The following VPS13B variants were observed in gnomAD, a reference collection of about 807,000 sequenced individuals.
VPS13B encodes vacuolar protein sorting 13 homolog B.
A neutral mutation model predicts 426.4 loss-of-function variants in VPS13B; 285 were observed. That is an observed-to-expected ratio of 0.67 (90% CI 0.61 to 0.74). The LOEUF is 0.74. Among genes scored for constraint, VPS13B ranks in the 30% least tolerant of loss-of-function variants. The pLI is 0.00. For missense variants in VPS13B, 4,537 were observed against 4,782.6 expected (o/e 0.95, Z 1.51); for synonymous variants, 1,676 against 1,676.4 (o/e 1.00, Z 0.01).
chr8:99,501,979 G>T (rs564136256), intron 26 of VPS13B, 121 bp downstream of exon 26: 3 of 1,086,858 alleles, frequency 2.8e-6, no homozygotes, highest in Non-Finnish European at 1.3e-6. Context: ...CTGTCTTTCC[G>T]TCTGTCTGTC....
chr8:99,041,648 T>TA (rs1178323723), intron 3 of VPS13B, among the ~76,000 whole-genome samples: 1 of 152,046 alleles, frequency 6.6e-6, no homozygotes, highest in African/African-American at 2.4e-5. Context: ...GGTCAGGAGA[T>TA]AGAGACCACC....
At chr8:99,806,523 T>G (rs1459296648) in intron 43 of VPS13B, among the ~76,000 whole-genome samples, 2 of 152,216 alleles carry the variant, frequency 1.3e-5, no homozygotes, top group Non-Finnish European at 2.9e-5. Context: ...TTATTTTCCC[T>G]ATGTGATCAT....
chr8:99,458,536 C>T (rs1304150148), intron 23 of VPS13B, among the ~76,000 whole-genome samples: 1 of 151,962 alleles, frequency 6.6e-6, no homozygotes, highest in African/African-American at 2.4e-5. Flanking sequence ...GTCCCACCAA[C>T]AGTGTAAAAG....
chr8:99,613,321 T>C (rs999416298), intron 33 of VPS13B, among the ~76,000 whole-genome samples: 7 of 152,256 alleles, frequency 4.6e-5, no homozygotes, highest in Admixed American at 2.0e-4. Flanking sequence ...AATGATAAAT[T>C]CTTGTTTTCT....
chr8:99,634,438 C>T (rs891852865), intron 33 of VPS13B, among the ~76,000 whole-genome samples: 1 of 151,990 alleles, frequency 6.6e-6, no homozygotes, highest in African/African-American at 2.4e-5. Flanking sequence ...CATACTGTTA[C>T]TTCAAAGAGC....
chr8:99,867,802 CTT>C (rs1324548719), intron 58 of VPS13B, among the ~76,000 whole-genome samples: 5 of 152,248 alleles, frequency 3.3e-5, no homozygotes, highest in African/African-American at 9.6e-5. Flanking sequence ...AATAATTACT[CTT>C]AAGTATTAAT....
chr8:99,435,956 G>A (rs1817348299), intron 22 of VPS13B, among the ~76,000 whole-genome samples: 2 of 152,216 alleles, frequency 1.3e-5, no homozygotes, highest in African/African-American at 2.4e-5. Flanking sequence ...GTTATCTGCA[G>A]ATGGTTTTCA....
chr8:99,015,614 G>A (rs755031209), intron 2 of VPS13B, among the ~76,000 whole-genome samples: 2 of 151,814 alleles, frequency 1.3e-5, no homozygotes, highest in Non-Finnish European at 2.9e-5. Context: ...GTTTTTGTAA[G>A]TACTCCAGGC....
intron 36 of VPS13B, among the ~76,000 whole-genome samples, chr8:99,711,801 C>A (rs973823676): frequency 6.6e-6 from 1 of 152,124 alleles, no homozygotes; most frequent in African/African-American, 2.4e-5. Context: ...AAGAAAATTG[C>A]TAATTATTTA....
At chr8:99,119,822 A>T (rs371681389) in intron 7 of VPS13B, among the ~76,000 whole-genome samples, 5 of 152,126 alleles carry the variant, frequency 3.3e-5, no homozygotes, top group Non-Finnish European at 4.4e-5. Context: ...AGATTTATCA[A>T]TGGAGAGTAG....
At chr8:99,416,791 T>C (rs1816040660) in intron 21 of VPS13B, among the ~76,000 whole-genome samples, 1 of 152,068 alleles carries the variant, frequency 6.6e-6, no homozygotes, top group Non-Finnish European at 1.5e-5. Flanking sequence ...GGAATCTCAC[T>C]TAGAAATGCA....
intron 30 of VPS13B, among the ~76,000 whole-genome samples, chr8:99,521,685 A>T (rs569653947): frequency 1.2e-4 from 19 of 152,360 alleles, no homozygotes; most frequent in African/African-American, 4.1e-4. Flanking sequence ...ACAGAAATAC[A>T]GATGAACAAG....
intron 25 of VPS13B, among the ~76,000 whole-genome samples, chr8:99,495,199 AT>A (rs1270245570): frequency 6.6e-6 from 1 of 152,174 alleles, no homozygotes; most frequent in Non-Finnish European, 1.5e-5. Context: ...ATGTTGAATA[AT>A]TTTGGAATAC....
intron 58 of VPS13B, among the ~76,000 whole-genome samples, chr8:99,863,034 G>A (rs1816912792): frequency 6.6e-6 from 1 of 152,122 alleles, no homozygotes; most frequent in Non-Finnish European, 1.5e-5. Flanking sequence ...AGTGGACCCT[G>A]CCCTCAGAAG....
chr8:99,592,170 C>T (rs986065237), intron 33 of VPS13B, among the ~76,000 whole-genome samples: 2 of 152,018 alleles, frequency 1.3e-5, no homozygotes, highest in East Asian at 3.9e-4. Context: ...TCCATCAGGT[C>T]ATTTAAGGTC....
In VPS13B at chr8:99,260,435, T is replaced by G. The variant is rs530556963; in HGVS notation, c.2516-13763T>G. 5.1e-4 allele frequency among the ~76,000 whole-genome samples: 78 copies of G among 152,234 alleles called. 1 individual carries two copies. In the South Asian group the frequency reaches 0.016, roughly 31 times the overall value. Reference sequence around the variant, plus strand: ...AACTCTGGTGTGCTAAAGATAAGCATGAACCCTTAAAAGCAACCAGAGGGA... The same window carrying G: ...AACTCTGGTGTGCTAAAGATAAGCAGGAACCCTTAAAAGCAACCAGAGGGA... On this transcript the variant is annotated intron_variant, in intron 17 of 61. Coordinates refer to ENST00000357162, the MANE Select transcript of VPS13B (RefSeq NM_152564.5).
chr8:99,130,542 C>G (rs1809729176), intron 8 of VPS13B, among the ~76,000 whole-genome samples: 2 of 151,982 alleles, frequency 1.3e-5, no homozygotes, highest in Non-Finnish European at 2.9e-5. Context: ...TGCCCGCCAC[C>G]ATGCCCGGCT....
chr8:99,056,021 A>G (rs1563511091), intron 3 of VPS13B, among the ~76,000 whole-genome samples: 1 of 148,302 alleles, frequency 6.7e-6, no homozygotes, highest in Non-Finnish European at 1.5e-5. Context: ...GATTACGGGT[A>G]TGAGCCACCA....
chr8:99,863,203 A>G (rs1816919222), intron 58 of VPS13B, among the ~76,000 whole-genome samples: 1 of 152,186 alleles, frequency 6.6e-6, no homozygotes, highest in Non-Finnish European at 1.5e-5. Flanking sequence ...CATGTTTGGT[A>G]AACAGAACCT....
Sources: allele counts gnomAD v4.1 joint callset (sites outside exome capture counted in the v4.1 genomes callset), GRCh38; gene constraint gnomAD v4.1.1; transcripts MANE v1.5; gene names NCBI Gene and HGNC (gene_info 2026-07-23, HGNC 2026-07-21).